Variants in GPC6 observed in about 807,000 individuals in gnomAD.
GPC6 encodes glypican 6.
GPC6 carries 14 observed loss-of-function variants against 55.2 expected under a neutral mutation model. The observed-to-expected ratio is 0.25, with a 90% CI of 0.17 to 0.40. The LOEUF (loss-of-function observed/expected upper bound fraction) is 0.40. GPC6 is among the 10% of genes least tolerant of loss of function. The probability of loss-of-function intolerance (pLI) is 1.00; values close to 1 mark genes in which losing one functional copy is unlikely to be tolerated. For missense variants in GPC6, 641 were observed against 708.5 expected, an observed-to-expected ratio of 0.90 and a Z score of 1.08; for synonymous variants, 278 against 259.6, an observed-to-expected ratio of 1.07 and a Z score of -0.68.
At chr13:94,329,347 C>A (rs1262014478) in intron 6 of GPC6, among the ~76,000 whole-genome samples, 1 of 152,146 alleles carries the variant, frequency 6.6e-6, no homozygotes, top group Non-Finnish European at 1.5e-5. Context: ...CCCACCGCAC[C>A]CTGGGCCCCT....
In GPC6 at chr13:93,835,727, G is replaced by A. The variant is rs540883406; in HGVS notation, c.711+5182G>A. Among the ~76,000 whole-genome samples the A allele has an allele frequency of 3.5e-4, 53 of 151,980 alleles. No individual in the cohort carries two copies. In the South Asian group the frequency reaches 8.4e-3, roughly 24 times the overall value. ...AGATCACGCCATTGCACTCCAACCTGGCCAACAAGAGCAAAACTCCTTCTA... is the reference window on the plus strand; with the variant it reads ...AGATCACGCCATTGCACTCCAACCTAGCCAACAAGAGCAAAACTCCTTCTA... On this transcript the variant is annotated intron_variant, in intron 3 of 8. Coordinates refer to ENST00000377047, the MANE Select transcript of GPC6 (RefSeq NM_005708.5).
intron 2 of GPC6, among the ~76,000 whole-genome samples, chr13:93,599,158 C>T (rs1366655004): frequency 6.6e-6 from 1 of 152,096 alleles, no homozygotes; most frequent in Non-Finnish European, 1.5e-5. Context: ...TTGATACCTT[C>T]CAGCAATCTT....
intron 4 of GPC6, among the ~76,000 whole-genome samples, chr13:94,184,719 G>T (rs986229667): frequency 6.6e-6 from 1 of 152,144 alleles, no homozygotes; most frequent in African/African-American, 2.4e-5. Flanking sequence ...CGCCTTTGTG[G>T]AAAGCAGTTT....
At position 93,831,362 on chromosome 13, in the gene GPC6, C is replaced by T. The variant is rs1345236696; in HGVS notation, c.711+817C>T. Among the ~76,000 whole-genome samples the T allele has an allele frequency of 3.3e-5, 5 of 152,158 alleles. No individual in the cohort carries two copies. The East Asian group carries it at 7.7e-4, about 24-fold the overall frequency. On this transcript the variant is annotated intron_variant, in intron 3 of 8. Coordinates refer to ENST00000377047, the MANE Select transcript of GPC6 (RefSeq NM_005708.5). Reference sequence around the variant, plus strand: ...CATTTAAGGCACTTGTGAGGTCAGTCCTCCAAATAAAATGAAAGACAATTA... The same window carrying T: ...CATTTAAGGCACTTGTGAGGTCAGTTCTCCAAATAAAATGAAAGACAATTA...
In GPC6 at chr13:94,406,360, A is replaced by G. The variant is rs1300296536; in HGVS notation, c.*3143A>G. The stretch of plus-strand genomic sequence containing the variant: ...ATAAGAGCTCTGTTTATGGTTCTGT[A>G]TTGAAGGACAACCATGACAACCTTC... On this transcript the variant is annotated 3_prime_UTR_variant, in exon 9 of 9. Coordinates refer to ENST00000377047, the MANE Select transcript of GPC6 (RefSeq NM_005708.5). The G allele has an allele frequency of 6.6e-6, 1 of 152,142 alleles. No individual in the cohort carries two copies. Among genetic ancestry groups the G allele is most frequent in the African/African-American group, 2.4e-5 (1 of 41,456 alleles). 9.4% of individuals were successfully genotyped at this position (152,142 alleles called of 1,614,324 possible).
At chr13:93,658,799 G>T (rs1366850736) in intron 2 of GPC6, among the ~76,000 whole-genome samples, 1 of 151,466 alleles carries the variant, frequency 6.6e-6, no homozygotes, top group Non-Finnish European at 1.5e-5. Flanking sequence ...GAGGATTTTG[G>T]TATCTGTGTT....
chr13:93,400,013 G>T (rs968243056), intron 1 of GPC6, among the ~76,000 whole-genome samples: 2 of 152,032 alleles, frequency 1.3e-5, no homozygotes, highest in African/African-American at 4.8e-5. Context: ...TGAAATAATC[G>T]CATAAAGCTA....
chr13:93,629,049 C>T (rs75523573), intron 2 of GPC6, among the ~76,000 whole-genome samples: 1 of 145,672 alleles, frequency 6.9e-6, no homozygotes, highest in East Asian at 2.0e-4. Flanking sequence ...AAAAAAAAAA[C>T]AAAAAAAACT....
intron 3 of GPC6, among the ~76,000 whole-genome samples, chr13:93,890,089 C>T (rs1410031273): frequency 6.6e-6 from 1 of 152,046 alleles, no homozygotes. Context: ...AAAGTGTTTT[C>T]ACATATGCTA....
chr13:93,995,431 G>A lies in GPC6; in HGVS notation c.712-32298G>A, dbSNP rs894692532. Among the ~76,000 whole-genome samples the A allele has an allele frequency of 4.6e-5, 7 of 152,016 alleles. No individual in the cohort carries two copies. In the South Asian group the frequency reaches 6.2e-4, roughly 14 times the overall value. ...TCGATCTCCTAACCTCAAGTGATCC[G>A]TCCACCTTGGCCTCCCAAAGTGCTG... is the stretch of plus-strand genomic sequence containing the variant. On this transcript the variant is annotated intron_variant, in intron 3 of 8. Coordinates refer to ENST00000377047, the MANE Select transcript of GPC6 (RefSeq NM_005708.5).
At chr13:93,492,353 A>G (rs911356044) in intron 1 of GPC6, among the ~76,000 whole-genome samples, 2 of 130,830 alleles carry the variant, frequency 1.5e-5, no homozygotes, top group African/African-American at 5.7e-5. Flanking sequence ...AATGCTTGTG[A>G]TTTTTCTACA....
Position 93,353,540 on chromosome 13 carries a change from C to T in GPC6, c.160+125924C>T, listed in dbSNP as rs146696588. On this transcript the variant is annotated intron_variant, in intron 1 of 8. Transcript: ENST00000377047. ...CACTCTGAGCTCTTTAATGCAGTGTCTCAACAAAGTCAGGCATTCAGAAGG... is the reference window on the plus strand; with the variant it reads ...CACTCTGAGCTCTTTAATGCAGTGTTTCAACAAAGTCAGGCATTCAGAAGG... Among the ~76,000 whole-genome samples the T allele has an allele frequency of 3.3e-3, 510 of 152,298 alleles. 6 individuals carry two copies. Among genetic ancestry groups the T allele is most frequent in the African/African-American group, 0.012 (494 of 41,540 alleles).
intron 4 of GPC6, among the ~76,000 whole-genome samples, chr13:94,048,641 C>G (rs918982520): frequency 6.6e-6 from 1 of 151,898 alleles, no homozygotes; most frequent in Non-Finnish European, 1.5e-5. Flanking sequence ...AGAAATCCTA[C>G]ATTCGGGGAC....
chr13:94,272,782 T>C (rs1015524592), intron 4 of GPC6, among the ~76,000 whole-genome samples: 3 of 151,984 alleles, frequency 2.0e-5, no homozygotes, highest in African/African-American at 7.3e-5. Flanking sequence ...TCCTGTTTCT[T>C]GATGATAGAT....
intron 4 of GPC6, among the ~76,000 whole-genome samples, chr13:94,102,886 CT>C (rs1167822187): frequency 6.6e-6 from 1 of 152,040 alleles, no homozygotes. Context: ...TTTTTAATTT[CT>C]TTTTTTGTTA....
chr13:93,971,986 A>G (rs1034671319), intron 3 of GPC6, among the ~76,000 whole-genome samples: 1 of 152,200 alleles, frequency 6.6e-6, no homozygotes, highest in Non-Finnish European at 1.5e-5. Flanking sequence ...GCCTGGTTGC[A>G]TGACCCTGAT....
At chr13:93,964,284 C>T (rs1330403558) in intron 3 of GPC6, among the ~76,000 whole-genome samples, 11 of 152,130 alleles carry the variant, frequency 7.2e-5, no homozygotes, top group Non-Finnish European at 1.5e-5. Flanking sequence ...GCTTCCTTGA[C>T]TAACGTGGTG....
At chr13:93,921,718 C>T (rs1039577366) in intron 3 of GPC6, among the ~76,000 whole-genome samples, 2 of 151,418 alleles carry the variant, frequency 1.3e-5, no homozygotes, top group Non-Finnish European at 2.9e-5. Flanking sequence ...GATAGAGGGG[C>T]ATGGTGGGCC....
intron 1 of GPC6, among the ~76,000 whole-genome samples, chr13:93,446,077 T>C (rs1877985281): frequency 2.6e-5 from 4 of 152,198 alleles, no homozygotes; most frequent in Admixed American, 6.5e-5. Context: ...AGAAATCTTC[T>C]TGGGTTTATG....
Sources: gnomAD v4.1 joint callset for allele counts (sites outside exome capture counted in the v4.1 genomes callset) on GRCh38, gnomAD v4.1.1 for gene constraint, MANE v1.5 for transcripts, NCBI Gene and HGNC (gene_info 2026-07-23, HGNC 2026-07-21) for gene names.